The following RAB22A variants were observed in gnomAD, a reference collection of about 807,000 sequenced individuals.
The protein encoded by RAB22A is ras-related protein Rab-22A.
A neutral mutation model predicts 30.2 loss-of-function variants in RAB22A; 13 were observed. That is an observed-to-expected ratio of 0.43 (90% confidence interval 0.28 to 0.68). RAB22A has a LOEUF of 0.68. Among genes scored for constraint, RAB22A ranks in the 30% least tolerant of loss-of-function variants. RAB22A has a pLI of 0.18. For synonymous variants in RAB22A, 89 were observed against 87.2 expected (o/e 1.02, Z -0.11); for missense variants, 177 against 246.8 (o/e 0.72, Z 1.89).
At chr20:58,355,300 C>G (rs146669248) in intron 6 of RAB22A, among the ~76,000 whole-genome samples, 107 of 152,324 alleles carry the variant, frequency 7.0e-4, no homozygotes, top group African/African-American at 2.4e-3. Flanking sequence ...AACCCCAGCT[C>G]AGGCCAGGCC....
At chr20:58,332,364 G>A (rs781771604) in intron 2 of RAB22A, among the ~76,000 whole-genome samples, 6 of 152,158 alleles carry the variant, frequency 3.9e-5, no homozygotes, top group Non-Finnish European at 8.8e-5. Context: ...TGGGGCAGGT[G>A]AGCTCAGAGC....
chr20:58,351,916 A>G (rs1259509336), intron 3 of RAB22A, among the ~76,000 whole-genome samples: 1 of 152,246 alleles, frequency 6.6e-6, no homozygotes. Context: ...AAAAATCAGG[A>G]CCCAACTATG....
chr20:58,356,144 T>C (rs1987125870), intron 6 of RAB22A, among the ~76,000 whole-genome samples: 2 of 152,094 alleles, frequency 1.3e-5, no homozygotes, highest in African/African-American at 4.8e-5. Context: ...AACCCCCATC[T>C]CTACTAAAAA....
Position 58,360,037 on chromosome 20 carries a change from A to G in RAB22A, c.*334A>G, listed in dbSNP as rs528288859. ...GATTTTATGTAACATTTGTAAAGGG[A>G]AAATTAGCACTTTTGTGGTTCTTAA... On this transcript the variant is annotated 3_prime_UTR_variant, in exon 7 of 7. Transcript: ENST00000244040. 174 of 159,984 alleles carry G rather than the reference A, an allele frequency of 1.1e-3. 1 individual carries two copies. The highest frequency in any genetic ancestry group is 3.9e-3 in the African/African-American group (164 of 41,790). 9.9% of individuals were successfully genotyped at this position (159,984 alleles called of 1,614,324 possible). A position where few individuals can be genotyped will look rare whatever the true frequency, so the allele number is the denominator to read the frequency against.
intron 3 of RAB22A, among the ~76,000 whole-genome samples, chr20:58,348,792 TA>T (rs3069357): frequency 0.51 from 77,167 of 149,892 alleles, 20,281 homozygotes; most frequent in South Asian, 0.68. Context: ...CTGATGAGCT[TA>T]AAAAAAAAAA....
intron 2 of RAB22A, among the ~76,000 whole-genome samples, chr20:58,316,531 G>A (rs1012525107): frequency 1.1e-4 from 16 of 152,000 alleles, no homozygotes; most frequent in African/African-American, 2.4e-4. Context: ...CTACACATAC[G>A]CTGTAAGAAG....
chr20:58,343,267 TCTCA>T (rs1437851079), intron 2 of RAB22A, among the ~76,000 whole-genome samples: 1 of 152,116 alleles, frequency 6.6e-6, no homozygotes, highest in Admixed American at 6.5e-5. Flanking sequence ...TAACACTAGC[TCTCA>T]CTCACCTATT....
In RAB22A at chr20:58,354,278, G is replaced by C; in HGVS notation, c.487+13G>C. ...TTTATAGAAATTAGTGAGTATCTCTGTGCCTTATCCATTTCCTCTGTAAAA... is the reference window on the plus strand; with the variant it reads ...TTTATAGAAATTAGTGAGTATCTCTCTGCCTTATCCATTTCCTCTGTAAAA... On this transcript the variant is annotated intron_variant, in intron 6 of 6. Transcript: ENST00000244040. The C allele has an allele frequency of 6.4e-7, 1 of 1,569,708 alleles. No homozygotes were observed. The highest frequency in any genetic ancestry group is 8.7e-7 in the Non-Finnish European group (1 of 1,143,730).
chr20:58,317,213 C>G (rs562734472), intron 2 of RAB22A, among the ~76,000 whole-genome samples: 1 of 152,038 alleles, frequency 6.6e-6, no homozygotes, highest in Non-Finnish European at 1.5e-5. Context: ...TCTCCTGTTT[C>G]GACCTCCCGA....
chr20:58,335,790 T>G (rs1986739798), intron 2 of RAB22A, among the ~76,000 whole-genome samples: 1 of 152,238 alleles, frequency 6.6e-6, no homozygotes, highest in Non-Finnish European at 1.5e-5. Context: ...ATAACTGAAA[T>G]AGTTCATCAC....
intron 2 of RAB22A, among the ~76,000 whole-genome samples, chr20:58,317,910 C>T (rs530383989): frequency 6.6e-6 from 1 of 152,188 alleles, no homozygotes; most frequent in South Asian, 2.1e-4. Flanking sequence ...GTCACCCAGG[C>T]TGAGGGACAC....
chr20:58,326,222 G>A (rs79227817), intron 2 of RAB22A, among the ~76,000 whole-genome samples: 188 of 151,912 alleles, frequency 1.2e-3, no homozygotes, highest in Non-Finnish European at 2.3e-3. Context: ...TTTTGATAAC[G>A]TAGATTCCAT....
intron 2 of RAB22A, among the ~76,000 whole-genome samples, chr20:58,319,983 G>A (rs1473382803): frequency 6.6e-6 from 1 of 151,942 alleles, no homozygotes; most frequent in Non-Finnish European, 1.5e-5. Context: ...AATTTCTCTT[G>A]GTCATTATGC....
chr20:58,321,871 G>A lies in RAB22A; in HGVS notation c.116+10749G>A, dbSNP rs138312021. Reference sequence around the variant, plus strand: ...GCTAGAGTGCAGTGGTGCAGTCACAGCTCACTGCAGCCTCAACTTCCCAGA... The same window carrying A: ...GCTAGAGTGCAGTGGTGCAGTCACAACTCACTGCAGCCTCAACTTCCCAGA... On this transcript the variant is annotated intron_variant, in intron 2 of 6. Transcript: ENST00000244040. 2.2e-3 allele frequency among the ~76,000 whole-genome samples: 342 copies of A among 152,306 alleles called. 1 individual carries two copies. Among genetic ancestry groups the A allele is most frequent in the African/African-American group, 7.7e-3 (320 of 41,574 alleles).
chr20:58,359,037 G>A (rs1451144028), intron 6 of RAB22A, among the ~76,000 whole-genome samples: 1 of 152,202 alleles, frequency 6.6e-6, no homozygotes, highest in Non-Finnish European at 1.5e-5. Context: ...CCTTGGAAAG[G>A]GGAGATGGGT....
intron 6 of RAB22A, among the ~76,000 whole-genome samples, chr20:58,355,400 G>T (rs563572393): frequency 6.6e-6 from 1 of 152,246 alleles, no homozygotes; most frequent in Admixed American, 6.5e-5. Context: ...CCATTGTTTA[G>T]ATTTGGCCAA....
chr20:58,317,396 C>T (rs1316431271), intron 2 of RAB22A, among the ~76,000 whole-genome samples: 1 of 149,168 alleles, frequency 6.7e-6, no homozygotes, highest in Non-Finnish European at 1.5e-5. Flanking sequence ...CGTGCCTGGC[C>T]AACCCTGGGC....
chr20:58,317,069 C>G (rs2122925528), intron 2 of RAB22A, among the ~76,000 whole-genome samples: 1 of 152,296 alleles, frequency 6.6e-6, no homozygotes, highest in African/African-American at 2.4e-5. Context: ...CTGCCACTTG[C>G]TAGCTAGTTA....
chr20:58,314,222 G>A (rs1192066947), intron 2 of RAB22A, among the ~76,000 whole-genome samples: 1 of 151,982 alleles, frequency 6.6e-6, no homozygotes, highest in Non-Finnish European at 1.5e-5. Context: ...CCGCCACAAT[G>A]CCAAGCTAAT....
Sources: allele counts gnomAD v4.1 joint callset (sites outside exome capture counted in the v4.1 genomes callset), GRCh38; gene constraint gnomAD v4.1.1; transcripts MANE v1.5; gene names NCBI Gene and HGNC (gene_info 2026-07-23, HGNC 2026-07-21).